TMEM47: variants seen among roughly 807,000 people sequenced by gnomAD.
The protein encoded by TMEM47 is transmembrane protein 47.
TMEM47 carries 3 observed loss-of-function variants against 12.4 expected under a neutral mutation model. That is an observed-to-expected ratio of 0.24 (90% CI 0.11 to 0.63). TMEM47 has a LOEUF of 0.63. Among genes scored for constraint, TMEM47 ranks in the 20% least tolerant of loss-of-function variants. The probability of loss-of-function intolerance (pLI) is 0.86; values close to 1 mark genes in which losing one functional copy is unlikely to be tolerated. For missense variants in TMEM47, 89 were observed against 143.8 expected (o/e 0.62, Z 1.95); for synonymous variants, 62 against 63.3 (o/e 0.98, Z 0.10).
chrX:34,636,788 G>A (rs1035004161), intron 2 of TMEM47, among the ~76,000 whole-genome samples: 2 of 111,544 alleles, frequency 1.8e-5, no homozygotes, highest in African/African-American at 6.5e-5. Context: ...TGTTGCTCCC[G>A]AGAAACGGAG....
chrX:34,655,353 C>T (rs1190912107), intron 1 of TMEM47, among the ~76,000 whole-genome samples: 3 of 111,128 alleles, frequency 2.7e-5, no homozygotes, highest in Non-Finnish European at 5.7e-5. Flanking sequence ...CCCCTGGTTA[C>T]CGAAGAAAGA....
intron 1 of TMEM47, among the ~76,000 whole-genome samples, chrX:34,652,133 C>T (rs1922028006): frequency 8.9e-6 from 1 of 112,164 alleles, no homozygotes; most frequent in Admixed American, 9.4e-5. Context: ...ATTTATTCTC[C>T]AACATACTAC....
At chrX:34,635,155 G>A (rs770052729) in intron 2 of TMEM47, among the ~76,000 whole-genome samples, 16 of 111,283 alleles carry the variant, frequency 1.4e-4, no homozygotes, top group African/African-American at 3.3e-4. Flanking sequence ...GATTATAACC[G>A]ACATTTCTCA....
Position 34,654,628 on chromosome X carries a change from A to G in TMEM47, c.226+2176T>C, listed in dbSNP as rs758958938. Among the ~76,000 whole-genome samples, 17 of 111,823 alleles carry G rather than the reference A, an allele frequency of 1.5e-4. No homozygotes were observed. The South Asian group carries it at 6.4e-3, about 42-fold the overall frequency. ...AAGTGGGGACACAGAGCAATTTTCC[A>G]TATCTTGTTTCCTTTCCTCCACCCC... On this transcript the variant is annotated intron_variant, in intron 1 of 2. Transcript: ENST00000275954.
At chrX:34,647,339 AT>A (rs915108371) in intron 1 of TMEM47, among the ~76,000 whole-genome samples, 2 of 111,415 alleles carry the variant, frequency 1.8e-5, no homozygotes, top group Non-Finnish European at 3.8e-5. Context: ...CTCGACTTCT[AT>A]TTTTTTAACA....
intron 2 of TMEM47, among the ~76,000 whole-genome samples, chrX:34,631,170 CAAAAAAAAAAAAAAA>C (rs34845525): frequency 1.1e-4 from 2 of 18,565 alleles, no homozygotes; most frequent in African/African-American, 3.2e-4. Context: ...GACTCTGTCT[CAAAAAAAAAAAAAAA>C]AAAAAAAAAA....
chrX:34,645,175 A>G (rs1367427755), intron 1 of TMEM47, among the ~76,000 whole-genome samples: 3 of 111,591 alleles, frequency 2.7e-5, no homozygotes, highest in Admixed American at 9.6e-5. Context: ...ATCCCATTCT[A>G]TCATCAGGAA....
chrX:34,652,883 G>A (rs1230325203), intron 1 of TMEM47, among the ~76,000 whole-genome samples: 2 of 111,902 alleles, frequency 1.8e-5, no homozygotes, highest in East Asian at 2.8e-4. Context: ...CCAGGCTTGC[G>A]GAGCTATTTG....
At chrX:34,652,221 G>A (rs915799526) in intron 1 of TMEM47, among the ~76,000 whole-genome samples, 1 of 111,547 alleles carries the variant, frequency 9.0e-6, no homozygotes, top group Non-Finnish European at 1.9e-5. Context: ...TTATTTATTC[G>A]GTTAGTTATT....
chrX:34,628,392 T>A lies in TMEM47; in HGVS notation c.*1921A>T, dbSNP rs1004610308. The A allele has an allele frequency of 6.2e-5, 7 of 112,194 alleles. No homozygotes were observed. The highest frequency in any genetic ancestry group is 9.4e-5 in the Non-Finnish European group (5 of 53,134). 9.2% of individuals were successfully genotyped at this position (112,194 alleles called of 1,213,427 possible). On this transcript the variant is annotated 3_prime_UTR_variant, in exon 3 of 3. Coordinates refer to ENST00000275954, the MANE Select transcript of TMEM47 (RefSeq NM_031442.4). The stretch of plus-strand genomic sequence containing the variant: ...ATTTCCACTCATAATTTCTAATGAT[T>A]CTTTATAGAATCATATATTTTTATA...
chrX:34,650,957 A>G (rs1922007445), intron 1 of TMEM47, among the ~76,000 whole-genome samples: 1 of 108,393 alleles, frequency 9.2e-6, no homozygotes, highest in African/African-American at 3.4e-5. Context: ...TCTTAAGTAC[A>G]GAAGCTACAA....
At chrX:34,635,665 G>A (rs927381797) in intron 2 of TMEM47, among the ~76,000 whole-genome samples, 1 of 111,281 alleles carries the variant, frequency 9.0e-6, no homozygotes, top group African/African-American at 3.3e-5. Flanking sequence ...TGAAAAACTA[G>A]ATACTCAACA....
chrX:34,631,170 C>CAAAAA (rs34845525), intron 2 of TMEM47, among the ~76,000 whole-genome samples: 230 of 18,617 alleles, frequency 0.012, 2 homozygotes, highest in African/African-American at 0.024. Flanking sequence ...GACTCTGTCT[C>CAAAAA]AAAAAAAAAA....
intron 1 of TMEM47, among the ~76,000 whole-genome samples, chrX:34,649,918 G>T (rs1414332947): frequency 9.1e-6 from 1 of 109,931 alleles, no homozygotes; most frequent in Non-Finnish European, 1.9e-5. Flanking sequence ...GTAGAGACAG[G>T]GTTTCACCAT....
intron 1 of TMEM47, among the ~76,000 whole-genome samples, chrX:34,643,593 T>C (rs985413195): frequency 1.8e-5 from 2 of 112,194 alleles, no homozygotes; most frequent in African/African-American, 6.5e-5. Flanking sequence ...CAGTATTTAG[T>C]CAGATGAGTT....
At chrX:34,653,265 C>T (rs1922047675) in intron 1 of TMEM47, among the ~76,000 whole-genome samples, 1 of 111,808 alleles carries the variant, frequency 8.9e-6, no homozygotes, top group Non-Finnish European at 1.9e-5. Context: ...TTCAAAACTA[C>T]CAATGACTCA....
rs1921565454 is a variant in TMEM47 at position 34,629,148 on chromosome X, A to G, written c.*1165T>C. ...TACTTGCAAAAAATAGCAGCCTTCT[A>G]TTTTAATGAATTTTACACAAAATGA... On this transcript the variant is annotated 3_prime_UTR_variant, in exon 3 of 3. Coordinates refer to ENST00000275954, the MANE Select transcript of TMEM47 (RefSeq NM_031442.4). 1 of 111,826 alleles carries G rather than the reference A, an allele frequency of 8.9e-6. No individual in the cohort carries two copies. Among genetic ancestry groups the G allele is most frequent in the South Asian group, 3.7e-4 (1 of 2,733 alleles). 9.2% of individuals were successfully genotyped at this position (111,826 alleles called of 1,213,427 possible).
At chrX:34,645,180 C>G (rs1921888953) in intron 1 of TMEM47, among the ~76,000 whole-genome samples, 1 of 111,375 alleles carries the variant, frequency 9.0e-6, no homozygotes, top group African/African-American at 3.3e-5. Context: ...ATTCTATCAT[C>G]AGGAACCGGA....
intron 1 of TMEM47, among the ~76,000 whole-genome samples, chrX:34,643,790 T>A (rs1375808554): frequency 9.0e-6 from 1 of 111,546 alleles, no homozygotes; most frequent in Admixed American, 9.5e-5. Context: ...CGCCAGCTGA[T>A]TGGAAACCTG....
Sources: allele counts gnomAD v4.1 joint callset (sites outside exome capture counted in the v4.1 genomes callset), GRCh38; gene constraint gnomAD v4.1.1; transcripts MANE v1.5; gene names NCBI Gene and HGNC (gene_info 2026-07-23, HGNC 2026-07-21).